Variants in LRRC9 observed in about 807,000 individuals in gnomAD.
LRRC9 encodes the protein leucine-rich repeat-containing protein 9.
LRRC9 carries 122 observed loss-of-function variants against 63.2 expected under a neutral mutation model. The observed-to-expected ratio is 1.93, with a 90% confidence interval of 1.67 to 2.24. The LOEUF is 2.24. Among genes scored for constraint, LRRC9 ranks in the 30% most tolerant of loss-of-function variants. The probability of loss-of-function intolerance (pLI) is 0.00; values close to 1 mark genes in which losing one functional copy is unlikely to be tolerated. For missense variants in LRRC9, 1,071 were observed against 627.7 expected (o/e 1.71, Z -7.55); for synonymous variants, 366 against 213.1 (o/e 1.72, Z -6.25).
rs979383888 is a variant in LRRC9, at chr14:60,042,357, A to G, written c.3990+10294A>G. 6.6e-6 allele frequency among the ~76,000 whole-genome samples: 1 copy of G among 152,222 alleles called. No homozygotes were observed. The highest frequency in any genetic ancestry group is 6.5e-5 in the Admixed American group (1 of 15,286). On this transcript the variant is annotated intron_variant, in intron 29 of 31. Coordinates refer to ENST00000445360, the Ensembl canonical transcript of LRRC9. This position sits in a 1 kb window ranked among gnomAD's most constrained non-coding sequence, Gnocchi z 4.2. ...TGCCCTGCCCCCAGAGGTGGAGTCT[A>G]CAGAGGCAGGCAGGCCTCCTTGAGC...
At chr14:59,935,123 T>TAA (rs34044624) in intron 6 of LRRC9, among the ~76,000 whole-genome samples, 3 of 117,458 alleles carry the variant, frequency 2.6e-5, no homozygotes, top group East Asian at 2.4e-4. Flanking sequence ...TTGTTTCTAC[T>TAA]AAAAAAAAAA....
chr14:60,008,144 A>G, exon 23 of LRRC9: 1 of 701,942 alleles, frequency 1.4e-6, no homozygotes, highest in Non-Finnish European at 2.6e-6. Flanking sequence ...ATTATATGGA[A>G]TCAAGAAAAC....
intron 21 of LRRC9, 132 bp from the exon 22 acceptor site, chr14:60,006,265 G>T (rs1206876426): frequency 5.5e-6 from 3 of 546,282 alleles, no homozygotes; most frequent in South Asian, 5.2e-5. Context: ...AGCAATGATG[G>T]TTAGTATTAC....
At chr14:60,035,905 G>T (rs1373666913) in intron 29 of LRRC9, among the ~76,000 whole-genome samples, 1 of 152,114 alleles carries the variant, frequency 6.6e-6, no homozygotes, top group African/African-American at 2.4e-5. Context: ...TATGTAAATT[G>T]CTCTGGGTAG....
intron 8 of LRRC9, among the ~76,000 whole-genome samples, chr14:59,947,550 G>C (rs1181922235): frequency 4.5e-5 from 6 of 132,466 alleles, no homozygotes; most frequent in East Asian, 2.3e-4. Context: ...TGTTGCCATT[G>C]CTTTTGGTGT....
At position 60,058,100 on chromosome 14, in the gene LRRC9, A is replaced by T; in HGVS notation, c.4276+78A>T. ...AAATATCACTTTAATTTCTAATAGTACTTAAAATTCCTTGTTTTTAACTTA... is the reference window on the plus strand; with the variant it reads ...AAATATCACTTTAATTTCTAATAGTTCTTAAAATTCCTTGTTTTTAACTTA... On this transcript the variant is annotated intron_variant, in intron 31 of 31. Coordinates refer to ENST00000445360, the Ensembl canonical transcript of LRRC9. The surrounding 1 kb of genome is among the most constrained non-coding windows in gnomAD (Gnocchi z 4.4). 4.3e-6 allele frequency: 2 copies of T among 467,318 alleles called. No homozygotes were observed. The highest frequency in any genetic ancestry group is 7.8e-6 in the Non-Finnish European group (2 of 257,504). 28.9% of individuals were successfully genotyped at this position (467,318 alleles called of 1,614,324 possible).
chr14:59,976,103 G>A (rs1886253567), intron 13 of LRRC9, among the ~76,000 whole-genome samples: 1 of 152,202 alleles, frequency 6.6e-6, no homozygotes, highest in Admixed American at 6.5e-5. Context: ...AGAACCTAAT[G>A]CCTGATGATA....
In LRRC9 at chr14:60,058,006, A is replaced by G. The variant is rs1364188723; in HGVS notation, c.4260A>G (p.Leu1420=). 2 of 642,526 alleles carry G rather than the reference A, an allele frequency of 3.1e-6. No individual in the cohort carries two copies. 39.8% of individuals were successfully genotyped at this position (642,526 alleles called of 1,614,324 possible). A position where few individuals can be genotyped will look rare whatever the true frequency, so the allele number is the denominator to read the frequency against. ...ATTACTTGGGATCTGACGTCACTTT[A>G]ACTCCTGAAGTTGAAGGTATTTTGA... Residue 1420 remains leucine, a synonymous_variant, in exon 31 of 32, where the codon TTA becomes TTG. Transcript: ENST00000445360. This position sits in a 1 kb window ranked among gnomAD's most constrained non-coding sequence, Gnocchi z 4.4.
intron 8 of LRRC9, among the ~76,000 whole-genome samples, chr14:59,959,454 A>G (rs1452186886): frequency 1.3e-5 from 2 of 152,226 alleles, no homozygotes; most frequent in African/African-American, 4.8e-5. Flanking sequence ...TTGAATTTTA[A>G]ATATTTGTAC....
In LRRC9 at chr14:59,966,753, T is replaced by C. The variant is rs986449239; in HGVS notation, c.1376T>C (p.Met459Thr). The change falls in exon 11 of 32, where the codon ATG becomes ACG. Residue 459 changes from methionine (M) to threonine (T), a missense_variant. Transcript: ENST00000445360. This position sits in a 1 kb window ranked among gnomAD's most constrained non-coding sequence, Gnocchi z 4.0. ...CAAAAGTTTTTGGAGAATGAAGATA[T>C]GCATGATTCAGAGTAAGAAGCTGAA... 1 of 656,062 alleles carries C rather than the reference T, an allele frequency of 1.5e-6. No homozygotes were observed. The highest frequency in any genetic ancestry group is 2.8e-6 in the Non-Finnish European group (1 of 360,174). 40.6% of individuals were successfully genotyped at this position (656,062 alleles called of 1,614,324 possible). A position where few individuals can be genotyped will look rare whatever the true frequency, so the allele number is the denominator to read the frequency against.
rs1200769836 is a variant in LRRC9 at position 59,959,621 on chromosome 14, A to T, written c.883-197A>T. On this transcript the variant is annotated intron_variant, in intron 8 of 31. Transcript: ENST00000445360. Reference sequence around the variant, plus strand: ...TTGGTCAAGAGAAACTGGCTGACTGAATTTGCACCCAACTTGAAATCACAT... The same window carrying T: ...TTGGTCAAGAGAAACTGGCTGACTGTATTTGCACCCAACTTGAAATCACAT... Among the ~76,000 whole-genome samples the T allele has an allele frequency of 5.9e-5, 9 of 152,316 alleles. No homozygotes were observed. The East Asian group carries it at 1.7e-3, about 29-fold the overall frequency.
chr14:60,004,867 T>G lies in LRRC9; in HGVS notation c.2842+1069T>G, dbSNP rs998657301. 1.2e-5 allele frequency among the ~76,000 whole-genome samples: 1 copy of G among 81,856 alleles called. No homozygotes were observed. The highest frequency in any genetic ancestry group is 2.8e-5 in the Non-Finnish European group (1 of 36,136). The allele number at this position is 81,856 out of a possible 152,430, so 53.7% of individuals were successfully genotyped here. A position where few individuals can be genotyped will look rare whatever the true frequency, so the allele number is the denominator to read the frequency against. The stretch of plus-strand genomic sequence containing the variant: ...CACTATTTGATTGAAAAGAGAAATA[T>G]GTATATGTGTGTATACACACACACA... On this transcript the variant is annotated intron_variant, in intron 21 of 31. Transcript: ENST00000445360. The surrounding 1 kb of genome is among the most constrained non-coding windows in gnomAD (Gnocchi z 4.8).
chr14:60,053,489 AT>A lies in LRRC9; in HGVS notation c.4131+287del, dbSNP rs943501915. Among the ~76,000 whole-genome samples the A allele has an allele frequency of 1.3e-5, 2 of 152,112 alleles. No individual in the cohort carries two copies. Among genetic ancestry groups the A allele is most frequent in the African/African-American group, 4.8e-5 (2 of 41,422 alleles). ...TTCATACTCTGACATAAGGAAAGTT[AT>A]TTAATATTTGTATGCTCAATATGTC... On this transcript the variant is annotated intron_variant, in intron 30 of 31. Transcript: ENST00000445360. The surrounding 1 kb of genome is among the most constrained non-coding windows in gnomAD (Gnocchi z 4.8).
At position 60,033,920 on chromosome 14, in the gene LRRC9, T is replaced by C. The variant is rs1595072303; in HGVS notation, c.3990+1857T>C. On this transcript the variant is annotated intron_variant, in intron 29 of 31. Transcript: ENST00000445360. Reference sequence around the variant, plus strand: ...ATTTTAAACTACTTAAATTCTTTAATGGCTATAAAGCTAGTCACGTTTGTA... The same window carrying C: ...ATTTTAAACTACTTAAATTCTTTAACGGCTATAAAGCTAGTCACGTTTGTA... 2.0e-5 allele frequency among the ~76,000 whole-genome samples: 3 copies of C among 152,130 alleles called. No individual in the cohort carries two copies. In the East Asian group the frequency reaches 5.8e-4, roughly 29 times the overall value.
At chr14:59,985,784 T>C (rs1887404556) in intron 17 of LRRC9, among the ~76,000 whole-genome samples, 1 of 152,190 alleles carries the variant, frequency 6.6e-6, no homozygotes, top group African/African-American at 2.4e-5. Flanking sequence ...TACTGTATTA[T>C]GTTACTTTCT....
At chr14:60,063,623 C>T (rs1356477324), downstream of LRRC9, 2 of 375,496 alleles carry the variant, frequency 5.3e-6, no homozygotes, top group Admixed American at 4.4e-5. Flanking sequence ...ACTATTACAT[C>T]AGACTACAAT....
At chr14:59,991,180 T>C (rs1324986518) in intron 17 of LRRC9, among the ~76,000 whole-genome samples, 1 of 152,224 alleles carries the variant, frequency 6.6e-6, no homozygotes, top group Non-Finnish European at 1.5e-5. Flanking sequence ...AATTCCTATC[T>C]TTTAAGTTTT....
Position 60,063,299 on chromosome 14 carries a change from CTAAT to C in LRRC9, c.4277-20_4277-17del, listed in dbSNP as rs1313810961. On this transcript the variant is annotated intron_variant, in intron 31 of 31. Coordinates refer to ENST00000445360, the Ensembl canonical transcript of LRRC9. ...ACAAAATTAAGTCACCACTATTTGA[CTAAT>C]TAAATCTTATTTCTTACAGAATTTT... is the stretch of plus-strand genomic sequence containing the variant. 1.3e-5 allele frequency: 9 copies of C among 698,242 alleles called. No individual in the cohort carries two copies. The highest frequency in any genetic ancestry group is 8.1e-5 in the Admixed American group (4 of 49,196). 43.3% of individuals were successfully genotyped at this position (698,242 alleles called of 1,614,324 possible). A position where few individuals can be genotyped will look rare whatever the true frequency, so the allele number is the denominator to read the frequency against.
At chr14:60,038,914 A>G (rs961784145) in intron 29 of LRRC9, among the ~76,000 whole-genome samples, 8 of 152,160 alleles carry the variant, frequency 5.3e-5, no homozygotes, top group African/African-American at 1.9e-4. Flanking sequence ...TGTCATAAAT[A>G]GCTCTTATTA....
Sources: gnomAD v4.1 joint callset for allele counts (sites outside exome capture counted in the v4.1 genomes callset) on GRCh38, gnomAD v4.1.1 for gene constraint, Gnocchi (gnomAD v3.1) non-coding constraint, MANE v1.5 for transcripts, NCBI Gene and HGNC (gene_info 2026-07-23, HGNC 2026-07-21) for gene names.